GRID2: variants seen among roughly 807,000 people sequenced by gnomAD.
GRID2 encodes the protein glutamate ionotropic receptor delta type subunit 2.
A neutral mutation model predicts 114.8 loss-of-function variants in GRID2; 33 were observed. The ratio of observed to expected loss-of-function variants is 0.29; its 90% CI spans 0.22 to 0.38. GRID2 has a LOEUF of 0.38. Ranked by LOEUF, GRID2 falls within the 10% of genes least tolerant of loss-of-function variation. The pLI, the probability that GRID2 is intolerant of heterozygous loss-of-function variation, is 1.00. For missense variants in GRID2, 1,184 were observed against 1,257.7 expected (o/e 0.94, Z 0.89); for synonymous variants, 505 against 449.9 (o/e 1.12, Z -1.55).
At chr4:93,667,588 C>T (rs528583362) in intron 14 of GRID2, among the ~76,000 whole-genome samples, 12 of 152,032 alleles carry the variant, frequency 7.9e-5, no homozygotes, top group Admixed American at 5.9e-4. Context: ...TCAAGAGTCC[C>T]AGGATATACC....
At position 93,111,018 on chromosome 4, in the gene GRID2, A is replaced by C. The variant is rs371501987; in HGVS notation, c.735+65A>C. On this transcript the variant is annotated intron_variant, in intron 4 of 15. Transcript: ENST00000282020. Reference sequence around the variant, plus strand: ...AATTAAAAGCTTTGGAATAGACCCTACAGAGGAGATGAAAATTAAGAGCAG... The same window carrying C: ...AATTAAAAGCTTTGGAATAGACCCTCCAGAGGAGATGAAAATTAAGAGCAG... 537 of 987,538 alleles carry C rather than the reference A, an allele frequency of 5.4e-4. 2 individuals are homozygous for C. The East Asian group carries it at 0.01, about 19-fold the overall frequency. The allele number at this position is 987,538 out of a possible 1,614,324, so 61.2% of individuals were successfully genotyped here. A position where few individuals can be genotyped will look rare whatever the true frequency, so the allele number is the denominator to read the frequency against.
chr4:92,699,547 C>G (rs1173377936), intron 2 of GRID2, among the ~76,000 whole-genome samples: 1 of 152,144 alleles, frequency 6.6e-6, no homozygotes, highest in East Asian at 1.9e-4. Context: ...GAGGCTTTAT[C>G]ACTGACCACA....
chr4:92,583,670 TAC>T (rs962851650), intron 1 of GRID2, among the ~76,000 whole-genome samples: 75 of 148,744 alleles, frequency 5.0e-4, no homozygotes, highest in East Asian at 2.7e-3. Context: ...TATATATATA[TAC>T]ACACACATAC....
At chr4:93,210,191 G>T (rs1743291030) in intron 5 of GRID2, among the ~76,000 whole-genome samples, 2 of 151,652 alleles carry the variant, frequency 1.3e-5, no homozygotes, top group South Asian at 4.1e-4. Flanking sequence ...TGTCTAGGTT[G>T]TTTTCCAGGG....
chr4:93,538,871 G>GA (rs151122863), intron 13 of GRID2, among the ~76,000 whole-genome samples: 3,321 of 145,176 alleles, frequency 0.023, 91 homozygotes, highest in East Asian at 0.14. Flanking sequence ...GTTGGGAACA[G>GA]AAAAAAAAAA....
intron 2 of GRID2, among the ~76,000 whole-genome samples, chr4:92,756,313 C>A (rs1189265747): frequency 2.0e-5 from 3 of 152,044 alleles, no homozygotes; most frequent in African/African-American, 7.2e-5. Flanking sequence ...ATTGTGTATA[C>A]ATACCACATT....
Position 93,769,442 on chromosome 4 carries a change from T to C in GRID2, c.2593T>C (p.Ser865Pro), listed in dbSNP as rs745321083. The change falls in exon 15 of 16, where the codon TCA becomes CCA. Residue 865 changes from serine to proline, a missense_variant. Transcript: ENST00000282020. The stretch of plus-strand genomic sequence containing the variant: ...CAAGAGGAAAGGCTCCCGGGTTCCA[T>C]CAAAAGAGGTACTTGATTGAGAGAT... ...WNKRKGSRVP[S>P]KEDDKEIDLE... 6.2e-7 allele frequency: 1 copy of C among 1,613,832 alleles called. No individual in the cohort carries two copies. Among genetic ancestry groups the C allele is most frequent in the Non-Finnish European group, 8.5e-7 (1 of 1,179,874 alleles).
chr4:93,453,802 A>G (rs1243891587), intron 10 of GRID2, among the ~76,000 whole-genome samples: 1 of 152,110 alleles, frequency 6.6e-6, no homozygotes, highest in Non-Finnish European at 1.5e-5. Flanking sequence ...TTGGGTCACT[A>G]GTGATCAATT....
chr4:92,803,901 T>C (rs1283306288), intron 2 of GRID2, among the ~76,000 whole-genome samples: 1 of 151,990 alleles, frequency 6.6e-6, no homozygotes, highest in Non-Finnish European at 1.5e-5. Flanking sequence ...AGTAGAGTCA[T>C]GCTCTCTCCA....
chr4:92,949,769 G>A (rs1578574212), intron 2 of GRID2, among the ~76,000 whole-genome samples: 1 of 151,952 alleles, frequency 6.6e-6, no homozygotes, highest in Non-Finnish European at 1.5e-5. Flanking sequence ...AAACTGAACT[G>A]ATGTTAGTGT....
intron 14 of GRID2, among the ~76,000 whole-genome samples, chr4:93,647,094 A>C (rs1194598983): frequency 6.6e-6 from 1 of 152,180 alleles, no homozygotes; most frequent in Non-Finnish European, 1.5e-5. Context: ...TTTCTGTGTT[A>C]GATGAAGGAC....
chr4:92,421,219 A>G (rs1243509614), intron 1 of GRID2, among the ~76,000 whole-genome samples: 1 of 151,978 alleles, frequency 6.6e-6, no homozygotes, highest in Non-Finnish European at 1.5e-5. Context: ...AGTGCTCTGT[A>G]TGTGTTAAGA....
In GRID2 at chr4:93,391,896, G is replaced by T. The variant is rs1028873482; in HGVS notation, c.1246-3711G>T. ...ATGTTACAAGATTATTATTGCCAAAGCTCCAATGAAGGAAATAATTAAAGC... is the reference window on the plus strand; with the variant it reads ...ATGTTACAAGATTATTATTGCCAAATCTCCAATGAAGGAAATAATTAAAGC... On this transcript the variant is annotated intron_variant, in intron 8 of 15. Transcript: ENST00000282020. 4.6e-5 allele frequency among the ~76,000 whole-genome samples: 7 copies of T among 152,142 alleles called. No individual in the cohort carries two copies. In the East Asian group the frequency reaches 1.4e-3, roughly 29 times the overall value.
intron 2 of GRID2, among the ~76,000 whole-genome samples, chr4:92,713,120 A>G (rs1239748200): frequency 6.6e-6 from 1 of 151,510 alleles, no homozygotes; most frequent in African/African-American, 2.4e-5. Flanking sequence ...AACATTAGGT[A>G]TATCTCCAAA....
intron 4 of GRID2, among the ~76,000 whole-genome samples, chr4:93,143,696 C>A (rs2149388699): frequency 6.6e-6 from 1 of 152,152 alleles, no homozygotes; most frequent in South Asian, 2.1e-4. Context: ...ACTAAATTTT[C>A]ATTTATTTAA....
At chr4:93,301,769 T>C (rs1754895697) in intron 8 of GRID2, among the ~76,000 whole-genome samples, 1 of 152,188 alleles carries the variant, frequency 6.6e-6, no homozygotes. Flanking sequence ...TCCACCTATT[T>C]ATTATTGAAT....
At chr4:92,771,008 A>T (rs1202821353) in intron 2 of GRID2, among the ~76,000 whole-genome samples, 2 of 152,166 alleles carry the variant, frequency 1.3e-5, no homozygotes, top group African/African-American at 4.8e-5. Context: ...ACTGAAATAT[A>T]TTTATAAAAA....
At chr4:92,655,638 T>C (rs1021610414) in intron 2 of GRID2, among the ~76,000 whole-genome samples, 2 of 151,818 alleles carry the variant, frequency 1.3e-5, no homozygotes, top group African/African-American at 4.8e-5. Context: ...TTGTAGCCAC[T>C]CTAAATGGGA....
chr4:92,879,861 G>A (rs1181746809), intron 2 of GRID2, among the ~76,000 whole-genome samples: 3 of 152,192 alleles, frequency 2.0e-5, no homozygotes, highest in African/African-American at 7.2e-5. Context: ...GTATGCAACT[G>A]TTCTTTGGCC....
Sources: gnomAD v4.1 joint callset for allele counts (sites outside exome capture counted in the v4.1 genomes callset) on GRCh38, gnomAD v4.1.1 for gene constraint, MANE v1.5 for transcripts, NCBI Gene and HGNC (gene_info 2026-07-23, HGNC 2026-07-21) for gene names.